The following ARL15 variants were observed in gnomAD, a reference collection of about 807,000 sequenced individuals.
The protein encoded by ARL15 is ARF like GTPase 15.
ARL15 carries 19 observed loss-of-function variants against 25.2 expected under a neutral mutation model. That is an observed-to-expected ratio of 0.75 (90% confidence interval 0.53 to 1.10). ARL15 has a LOEUF of 1.10. Ranked by LOEUF, ARL15 falls within the 50% of genes least tolerant of loss-of-function variation. The pLI is 0.00. For synonymous variants in ARL15, 94 were observed against 86.8 expected (o/e 1.08, Z -0.46); for missense variants, 220 against 246.0 (o/e 0.89, Z 0.71).
chr5:54,236,550 G>T (rs1450072905), intron 1 of ARL15, among the ~76,000 whole-genome samples: 1 of 152,068 alleles, frequency 6.6e-6, no homozygotes, highest in East Asian at 1.9e-4. Context: ...TGCTTCGTCT[G>T]TCATTCTAAT....
chr5:53,982,902 G>A (rs1009714400), intron 4 of ARL15, among the ~76,000 whole-genome samples: 10 of 152,066 alleles, frequency 6.6e-5, no homozygotes, highest in African/African-American at 7.2e-5. Flanking sequence ...ATGGTATCTC[G>A]TTGTGGTTTT....
chr5:54,239,406 T>C (rs1257879416), intron 1 of ARL15, among the ~76,000 whole-genome samples: 1 of 152,212 alleles, frequency 6.6e-6, no homozygotes, highest in Non-Finnish European at 1.5e-5. Context: ...ATGATACACT[T>C]AAGACTTACA....
At chr5:53,928,096 C>A (rs1008486027) in intron 4 of ARL15, among the ~76,000 whole-genome samples, 3 of 152,150 alleles carry the variant, frequency 2.0e-5, no homozygotes, top group African/African-American at 7.2e-5. Context: ...CAGCACAGAG[C>A]CAGACTGACG....
chr5:54,274,138 G>A (rs765172922), intron 1 of ARL15, among the ~76,000 whole-genome samples: 1 of 152,112 alleles, frequency 6.6e-6, no homozygotes, highest in Non-Finnish European at 1.5e-5. Flanking sequence ...CTTGGCAGCT[G>A]AACGGGCTGT....
chr5:54,079,973 A>ACT lies in ARL15; in HGVS notation c.462+33228_462+33229insAG, dbSNP rs1751739331. ...TGACAAGAGTGAGACTCCGTCACAC[A>ACT]CACACACACACACACACACACACAC... On this transcript the variant is annotated intron_variant, in intron 4 of 4. Coordinates refer to ENST00000504924, the MANE Select transcript of ARL15 (RefSeq NM_019087.3). Among the ~76,000 whole-genome samples the ACT allele has an allele frequency of 9.7e-4, 47 of 48,300 alleles. 1 individual carries two copies. The allele number at this position is 48,300 out of a possible 152,430, so 31.7% of individuals were successfully genotyped here. A position where few individuals can be genotyped will look rare whatever the true frequency, so the allele number is the denominator to read the frequency against.
intron 4 of ARL15, among the ~76,000 whole-genome samples, chr5:54,095,695 A>G (rs1752264821): frequency 6.6e-6 from 1 of 152,136 alleles, no homozygotes; most frequent in African/African-American, 2.4e-5. Context: ...TGTCTCACAA[A>G]TATATAAAAA....
chr5:54,015,900 G>A (rs1271907120), intron 4 of ARL15, among the ~76,000 whole-genome samples: 3 of 152,102 alleles, frequency 2.0e-5, no homozygotes, highest in Non-Finnish European at 4.4e-5. Flanking sequence ...ACTGTATCAG[G>A]AAGAAGGCTG....
chr5:54,115,998 T>C (rs1366722661), intron 3 of ARL15, among the ~76,000 whole-genome samples: 1 of 152,016 alleles, frequency 6.6e-6, no homozygotes, highest in East Asian at 1.9e-4. Flanking sequence ...TAAGCTAGAA[T>C]GGGGGAAGAA....
intron 4 of ARL15, among the ~76,000 whole-genome samples, chr5:53,963,267 C>T (rs1292022152): frequency 6.6e-6 from 1 of 152,110 alleles, no homozygotes; most frequent in African/African-American, 2.4e-5. Flanking sequence ...TTTTGGTTTT[C>T]CAAAACTTTT....
intron 4 of ARL15, among the ~76,000 whole-genome samples, chr5:53,994,005 C>A (rs995432016): frequency 2.0e-5 from 3 of 152,098 alleles, no homozygotes; most frequent in Non-Finnish European, 4.4e-5. Flanking sequence ...TAAGTTCATG[C>A]GTCCTAACCC....
chr5:54,254,641 G>A (rs985284661), intron 1 of ARL15, among the ~76,000 whole-genome samples: 2 of 152,178 alleles, frequency 1.3e-5, no homozygotes, highest in Admixed American at 1.3e-4. Flanking sequence ...CTAGCCTGGT[G>A]CCTGGCATGT....
intron 1 of ARL15, among the ~76,000 whole-genome samples, chr5:54,298,367 C>T (rs1758522717): frequency 6.6e-6 from 1 of 152,170 alleles, no homozygotes; most frequent in Non-Finnish European, 1.5e-5. Flanking sequence ...GACACAACTA[C>T]CAACCCTCTG....
rs139947014 is a variant in ARL15, at chr5:54,184,304, G to T, written c.49-12376C>A. On this transcript the variant is annotated intron_variant, in intron 1 of 4. Coordinates refer to ENST00000504924, the MANE Select transcript of ARL15 (RefSeq NM_019087.3). ...AGAAAAATTTAAAAATTAGCCAGGT[G>T]TGATGGTGTGCGCCTGTAGTCCCAG... Among the ~76,000 whole-genome samples, 676 of 148,634 alleles carry T rather than the reference G, an allele frequency of 4.5e-3. 26 individuals are homozygous for T. In the East Asian group the frequency reaches 0.1, roughly 22 times the overall value.
intron 1 of ARL15, among the ~76,000 whole-genome samples, chr5:54,191,333 A>T (rs767661829): frequency 5.3e-5 from 8 of 152,186 alleles, no homozygotes; most frequent in Non-Finnish European, 1.2e-4. Flanking sequence ...GTTATTGTTC[A>T]ATGGGTATAG....
At chr5:54,239,914 T>C (rs1399804801) in intron 1 of ARL15, among the ~76,000 whole-genome samples, 3 of 152,178 alleles carry the variant, frequency 2.0e-5, no homozygotes, top group Admixed American at 2.0e-4. Flanking sequence ...TGTTGTTCAC[T>C]GGAGAGTAGA....
intron 1 of ARL15, among the ~76,000 whole-genome samples, chr5:54,244,799 TAA>T (rs10560131): frequency 6.1e-5 from 9 of 148,740 alleles, no homozygotes; most frequent in South Asian, 2.1e-4. Context: ...AAGGTAGCCA[TAA>T]AAAAAAAAAA....
intron 1 of ARL15, among the ~76,000 whole-genome samples, chr5:54,228,683 C>T (rs1418245126): frequency 6.6e-6 from 1 of 152,154 alleles, no homozygotes; most frequent in African/African-American, 2.4e-5. Flanking sequence ...TCCTCTAGCC[C>T]ATGTAAATAA....
intron 4 of ARL15, among the ~76,000 whole-genome samples, chr5:54,066,228 C>T (rs1456252756): frequency 6.6e-6 from 1 of 152,132 alleles, no homozygotes; most frequent in African/African-American, 2.4e-5. Flanking sequence ...ACTAGAAAGG[C>T]CTAAGCCCCC....
At chr5:53,986,598 C>T (rs536147055) in intron 4 of ARL15, among the ~76,000 whole-genome samples, 1 of 152,148 alleles carries the variant, frequency 6.6e-6, no homozygotes. Flanking sequence ...TATGCTTTGG[C>T]AAACACTGAA....
Sources: gnomAD v4.1 joint callset for allele counts (sites outside exome capture counted in the v4.1 genomes callset) on GRCh38, gnomAD v4.1.1 for gene constraint, MANE v1.5 for transcripts, NCBI Gene and HGNC (gene_info 2026-07-23, HGNC 2026-07-21) for gene names.